Variants in CEMIP observed in about 807,000 individuals in gnomAD.
The protein encoded by CEMIP is cell migration inducing hyaluronidase 1, also known as cell migration-inducing and hyaluronan-binding protein.
CEMIP carries 105 observed loss-of-function variants against 156.9 expected under a neutral mutation model. That is an observed-to-expected ratio of 0.67 (90% CI 0.57 to 0.79). The LOEUF (loss-of-function observed/expected upper bound fraction) is 0.79. Ranked by LOEUF, CEMIP falls within the 30% of genes least tolerant of loss-of-function variation. CEMIP has a pLI of 0.00. For missense variants in CEMIP, 1,457 were observed against 1,769.4 expected (o/e 0.82, Z 3.17); for synonymous variants, 676 against 668.4 (o/e 1.01, Z -0.17).
At chr15:80,881,381 AG>A (rs1898653588) in intron 6 of CEMIP, among the ~76,000 whole-genome samples, 2 of 152,334 alleles carry the variant, frequency 1.3e-5, no homozygotes, top group South Asian at 4.1e-4. Context: ...ATTGGTAGTA[AG>A]GGGGAAAAAA....
chr15:80,876,157 T>C (rs1898469659), intron 3 of CEMIP, among the ~76,000 whole-genome samples: 1 of 152,192 alleles, frequency 6.6e-6, no homozygotes, highest in South Asian at 2.1e-4. Flanking sequence ...CCATATATGT[T>C]CCCCGCGTGG....
intron 21 of CEMIP, among the ~76,000 whole-genome samples, chr15:80,930,593 C>T (rs1567107184): frequency 6.6e-6 from 1 of 152,198 alleles, no homozygotes; most frequent in East Asian, 1.9e-4. Context: ...ATGCATGGAG[C>T]CACCCCTTGA....
intron 6 of CEMIP, among the ~76,000 whole-genome samples, chr15:80,883,343 G>T (rs1898728010): frequency 6.6e-6 from 1 of 152,164 alleles, no homozygotes; most frequent in African/African-American, 2.4e-5. Flanking sequence ...ATGAGGGCAG[G>T]TTATCAGTCA....
chr15:80,832,915 C>T (rs1360329266), intron 1 of CEMIP, among the ~76,000 whole-genome samples: 1 of 152,140 alleles, frequency 6.6e-6, no homozygotes, highest in Non-Finnish European at 1.5e-5. Flanking sequence ...CTGATGCTGG[C>T]TCTCAACCGA....
In CEMIP at chr15:80,948,816, C is replaced by T. The variant is rs200885891; in HGVS notation, c.3978C>T (p.Gly1326=). The change falls in exon 30 of 30, where the codon GGC becomes GGT. Residue 1326 remains glycine, a synonymous_variant. Coordinates refer to ENST00000394685, the MANE Select transcript of CEMIP (RefSeq NM_001293298.2). The part of the protein sequence containing the change: ...LKLKEQMAFV[G]FKGSFRPIWV... ...TTTCAGAGCAAATGGCATTCGTTGG[C>T]TTCAAAGGCAGCTTCCGGCCCATCT... 2.7e-5 allele frequency: 43 copies of T among 1,614,202 alleles called. No individual in the cohort carries two copies. In the Middle Eastern group the frequency reaches 6.6e-4, roughly 25 times the overall value.
chr15:80,842,577 C>T (rs1339655901), intron 1 of CEMIP, among the ~76,000 whole-genome samples: 2 of 152,002 alleles, frequency 1.3e-5, no homozygotes, highest in Non-Finnish European at 2.9e-5. Context: ...ACTAAAAATA[C>T]AAAAATTAGC....
chr15:80,930,125 T>C (rs1159448854), intron 21 of CEMIP, among the ~76,000 whole-genome samples: 2 of 152,372 alleles, frequency 1.3e-5, no homozygotes, highest in East Asian at 1.9e-4. Flanking sequence ...TCTAGGAAGA[T>C]ATAATTTCTA....
intron 10 of CEMIP, among the ~76,000 whole-genome samples, chr15:80,894,558 G>A (rs987145227): frequency 6.6e-6 from 1 of 152,174 alleles, no homozygotes; most frequent in Admixed American, 6.5e-5. Flanking sequence ...TGGGGACTGG[G>A]CATGAGTATT....
chr15:80,882,035 A>G (rs1177064397), intron 6 of CEMIP, among the ~76,000 whole-genome samples: 1 of 152,170 alleles, frequency 6.6e-6, no homozygotes, highest in Non-Finnish European at 1.5e-5. Context: ...GTAGACAAAC[A>G]GAGACAGAGC....
At chr15:80,924,510 C>T (rs1486573724) in intron 17 of CEMIP, 111 bp from the exon 18 acceptor site, 1 of 897,516 alleles carries the variant, frequency 1.1e-6, no homozygotes, top group Admixed American at 2.0e-5. Flanking sequence ...AGCCTGAGAA[C>T]AGAGCTGGTT....
At chr15:80,802,628 G>A (rs568865045) in intron 1 of CEMIP, among the ~76,000 whole-genome samples, 38 of 152,328 alleles carry the variant, frequency 2.5e-4, no homozygotes, top group African/African-American at 9.1e-4. Context: ...GTCAGTTCCT[G>A]CTGCTTTTCT....
At chr15:80,830,515 G>A (rs137909461) in intron 1 of CEMIP, among the ~76,000 whole-genome samples, 33 of 152,288 alleles carry the variant, frequency 2.2e-4, no homozygotes, top group African/African-American at 7.9e-4. Flanking sequence ...GAGCCCTGGA[G>A]CTCAATGGGA....
At chr15:80,916,823 G>A (rs1478358247) in intron 14 of CEMIP, among the ~76,000 whole-genome samples, 1 of 152,096 alleles carries the variant, frequency 6.6e-6, no homozygotes, top group African/African-American at 2.4e-5. Context: ...GCTGTCCTCG[G>A]CCTTATCATG....
intron 25 of CEMIP, 32 bp from the exon 26 acceptor site, chr15:80,941,817 A>G (rs1218649137): frequency 1.2e-6 from 2 of 1,604,484 alleles, no homozygotes; most frequent in South Asian, 1.1e-5. Context: ...TGAGTGTCCA[A>G]GCAAATGCCC....
At chr15:80,828,832 A>C (rs1269298279) in intron 1 of CEMIP, among the ~76,000 whole-genome samples, 1 of 152,206 alleles carries the variant, frequency 6.6e-6, no homozygotes, top group Non-Finnish European at 1.5e-5. Context: ...AGTGGTCTTG[A>C]GTAGACTTAC....
In CEMIP at chr15:80,884,194, A is replaced by T; in HGVS notation, c.637A>T (p.Lys213Ter). The change falls in exon 7 of 30, where the codon AAG becomes TAG. Residue 213 changes from lysine (K) to a stop codon, truncating the protein, a stop_gained. Coordinates refer to ENST00000394685, the MANE Select transcript of CEMIP (RefSeq NM_001293298.2). LOFTEE classifies it high-confidence loss of function. The stretch of plus-strand genomic sequence containing the variant: ...TTTTAGGTTTGACACCTATAGATCC[A>T]AGAAAGAGAGTGAACGTCTGGTCCA... ...HSDRFDTYRS[K>*]KESERLVQYL... 6.2e-7 allele frequency: 1 copy of T among 1,614,210 alleles called. No homozygotes were observed. The highest frequency in any genetic ancestry group is 8.5e-7 in the Non-Finnish European group (1 of 1,180,028).
chr15:80,797,581 T>C (rs1596095459), intron 1 of CEMIP, among the ~76,000 whole-genome samples: 1 of 152,250 alleles, frequency 6.6e-6, no homozygotes, highest in East Asian at 1.9e-4. Flanking sequence ...AAGTGTCTTG[T>C]CTTAGTCAAT....
Position 80,929,185 on chromosome 15 carries a change from A to T in CEMIP, c.2612+11A>T. On this transcript the variant is annotated intron_variant, in intron 21 of 29. Transcript: ENST00000394685. ...CCTCCCTATAGGCCAGTAGGTTTGCAACCATGTAGCTCCTTATTCTGAGTG... is the reference window on the plus strand; with the variant it reads ...CCTCCCTATAGGCCAGTAGGTTTGCTACCATGTAGCTCCTTATTCTGAGTG... The T allele has an allele frequency of 3.1e-6, 5 of 1,614,194 alleles. No homozygotes were observed. Among genetic ancestry groups the T allele is most frequent in the Non-Finnish European group, 4.2e-6 (5 of 1,180,028 alleles).
intron 4 of CEMIP, among the ~76,000 whole-genome samples, chr15:80,879,427 A>G (rs530999956): frequency 1.3e-5 from 2 of 152,306 alleles, no homozygotes; most frequent in African/African-American, 4.8e-5. Flanking sequence ...TTTCAAGTAT[A>G]TGGGAGGATG....
Sources: allele counts gnomAD v4.1 joint callset (sites outside exome capture counted in the v4.1 genomes callset), GRCh38; gene constraint gnomAD v4.1.1; transcripts MANE v1.5; gene names NCBI Gene and HGNC (gene_info 2026-07-23, HGNC 2026-07-21).